NRXN3: variants seen among roughly 807,000 people sequenced by gnomAD.
NRXN3 encodes neurexin 3.
Under a neutral mutation model 137.6 loss-of-function variants are expected in NRXN3, and 32 were observed. The observed-to-expected ratio is 0.23, with a 90% CI of 0.18 to 0.31. The LOEUF (loss-of-function observed/expected upper bound fraction) is 0.31. Among genes scored for constraint, NRXN3 ranks in the 10% least tolerant of loss-of-function variants. NRXN3 has a pLI of 1.00. For missense variants in NRXN3, 1,574 were observed against 2,062.5 expected (o/e 0.76, Z 4.59); for synonymous variants, 798 against 784.5 (o/e 1.02, Z -0.29).
chr14:79,848,191 GA>G (rs1303776365), intron 20 of NRXN3, among the ~76,000 whole-genome samples: 1 of 152,116 alleles, frequency 6.6e-6, no homozygotes, highest in African/African-American at 2.4e-5. Flanking sequence ...TAATCAAGAG[GA>G]AATATCTTCA....
intron 15 of NRXN3, among the ~76,000 whole-genome samples, chr14:79,231,187 A>G (rs890956962): frequency 1.3e-5 from 2 of 152,088 alleles, no homozygotes; most frequent in Non-Finnish European, 2.9e-5. Context: ...TGCTTTCAGT[A>G]TTTTTATTTT....
intron 15 of NRXN3, among the ~76,000 whole-genome samples, chr14:79,456,981 G>A (rs2096266672): frequency 6.6e-6 from 1 of 151,262 alleles, no homozygotes; most frequent in African/African-American, 2.4e-5. Flanking sequence ...CGGCAGCTGT[G>A]TGTCTCTTAT....
chr14:79,579,319 T>A (rs187080407), intron 16 of NRXN3, among the ~76,000 whole-genome samples: 369 of 144,050 alleles, frequency 2.6e-3, no homozygotes, highest in African/African-American at 9.1e-3. Flanking sequence ...TAAGCAAATG[T>A]GTACGTATGT....
chr14:78,368,242 G>A (rs1363801004), intron 4 of NRXN3, among the ~76,000 whole-genome samples: 2 of 152,202 alleles, frequency 1.3e-5, no homozygotes, highest in African/African-American at 4.8e-5. Context: ...AAAAATTCAA[G>A]AGCATTTAAA....
At chr14:79,001,523 A>G (rs1261908275) in intron 15 of NRXN3, among the ~76,000 whole-genome samples, 1 of 152,294 alleles carries the variant, frequency 6.6e-6, no homozygotes, top group East Asian at 1.9e-4. Context: ...ATTATGCTCC[A>G]TGCCCTTGCA....
chr14:79,611,872 C>G (rs548098613), intron 16 of NRXN3: 1 of 152,258 alleles, frequency 6.6e-6, no homozygotes, highest in Non-Finnish European at 1.5e-5. Context: ...TAAAATATAG[C>G]TGGATCATGC....
chr14:79,392,320 G>A (rs933554780), intron 15 of NRXN3, among the ~76,000 whole-genome samples: 12 of 152,140 alleles, frequency 7.9e-5, no homozygotes, highest in Non-Finnish European at 1.0e-4. Context: ...CGAAGTACAC[G>A]AACTCATCCT....
intron 4 of NRXN3, among the ~76,000 whole-genome samples, chr14:78,611,909 T>C (rs1470003701): frequency 6.6e-6 from 1 of 152,218 alleles, no homozygotes; most frequent in East Asian, 1.9e-4. Context: ...GTTGATAAGA[T>C]TGGTTTATTT....
chr14:79,673,247 A>G (rs1354934973), intron 17 of NRXN3, among the ~76,000 whole-genome samples: 1 of 152,078 alleles, frequency 6.6e-6, no homozygotes, highest in Non-Finnish European at 1.5e-5. Flanking sequence ...AGTGATATTT[A>G]CAGTTTTCTC....
chr14:78,262,315 C>T (rs2070878455), intron 2 of NRXN3, among the ~76,000 whole-genome samples: 1 of 152,036 alleles, frequency 6.6e-6, no homozygotes, highest in Non-Finnish European at 1.5e-5. Context: ...GAGAAGCCAT[C>T]AGTGTGATAG....
chr14:78,234,318 A>T (rs1019696911), intron 1 of NRXN3, among the ~76,000 whole-genome samples: 1 of 152,252 alleles, frequency 6.6e-6, no homozygotes, highest in Non-Finnish European at 1.5e-5. Flanking sequence ...ACAACAGTGG[A>T]CAGCAACAGT....
At chr14:78,258,413 G>A (rs549194435) in intron 2 of NRXN3, among the ~76,000 whole-genome samples, 48 of 152,156 alleles carry the variant, frequency 3.2e-4, no homozygotes, top group Non-Finnish European at 5.9e-4. Context: ...TACAGGGGCA[G>A]GTGGGGGCAA....
chr14:79,388,929 G>C (rs2094743034), intron 15 of NRXN3, among the ~76,000 whole-genome samples: 1 of 152,128 alleles, frequency 6.6e-6, no homozygotes, highest in Non-Finnish European at 1.5e-5. Flanking sequence ...GAGTTCCCTT[G>C]CACATGCTCT....
At chr14:78,997,804 G>T (rs2099533075) in intron 15 of NRXN3, among the ~76,000 whole-genome samples, 2 of 152,136 alleles carry the variant, frequency 1.3e-5, no homozygotes, top group South Asian at 4.1e-4. Context: ...TTTCCGGTTA[G>T]TTCTTCTCTT....
intron 17 of NRXN3, among the ~76,000 whole-genome samples, chr14:79,685,721 C>T (rs1256024557): frequency 6.6e-6 from 1 of 152,102 alleles, no homozygotes; most frequent in Non-Finnish European, 1.5e-5. Context: ...TACAAATGGC[C>T]TCAAAGTACT....
At chr14:78,502,637 G>C (rs2095901222) in intron 4 of NRXN3, among the ~76,000 whole-genome samples, 3 of 152,098 alleles carry the variant, frequency 2.0e-5, no homozygotes. Context: ...AAAAATGTCA[G>C]CTTTTACTCT....
chr14:79,575,872 C>T (rs549992852), intron 16 of NRXN3, among the ~76,000 whole-genome samples: 2 of 152,166 alleles, frequency 1.3e-5, no homozygotes, highest in Admixed American at 1.3e-4. Context: ...AGATATGATT[C>T]AGACACAATA....
In NRXN3 at chr14:78,648,138, A is replaced by C. The variant is rs190827473; in HGVS notation, c.1059+2717A>C. 9.8e-5 allele frequency among the ~76,000 whole-genome samples: 15 copies of C among 152,350 alleles called. No individual in the cohort carries two copies. The East Asian group carries it at 2.9e-3, about 29-fold the overall frequency. On this transcript the variant is annotated intron_variant, in intron 5 of 20. Transcript: ENST00000335750. The stretch of plus-strand genomic sequence containing the variant: ...TTGTGGCTTACAATTAAAGGAAGGA[A>C]TGTGGACTACCTGTATCTATTGCAA...
At chr14:78,321,440 A>T (rs1436933578) in intron 4 of NRXN3, among the ~76,000 whole-genome samples, 5 of 152,062 alleles carry the variant, frequency 3.3e-5, no homozygotes, top group Non-Finnish European at 5.9e-5. Context: ...TTCTGGATTC[A>T]TAAATATTTG....
Sources: allele counts gnomAD v4.1 joint callset (sites outside exome capture counted in the v4.1 genomes callset), GRCh38; gene constraint gnomAD v4.1.1; transcripts MANE v1.5; gene names NCBI Gene and HGNC (gene_info 2026-07-23, HGNC 2026-07-21).